The following CHN2 variants were observed in gnomAD, a reference collection of about 807,000 sequenced individuals.
CHN2 encodes chimerin 2.
In CHN2, 35 loss-of-function variants were observed where a neutral mutation model predicts 56.3. The observed-to-expected ratio is 0.62, with a 90% CI of 0.47 to 0.82. The LOEUF is 0.82. Among genes scored for constraint, CHN2 ranks in the 40% least tolerant of loss-of-function variants. CHN2 has a pLI of 0.00. For synonymous variants in CHN2, 210 were observed against 212.8 expected (o/e 0.99, Z 0.12); for missense variants, 491 against 580.5 (o/e 0.85, Z 1.58).
chr7:29,304,712 C>T (rs1406845175), intron 1 of CHN2, among the ~76,000 whole-genome samples: 1 of 152,158 alleles, frequency 6.6e-6, no homozygotes, highest in Admixed American at 6.5e-5. Flanking sequence ...AATATTGGAG[C>T]AAACTGTGTG....
chr7:29,313,167 C>G (rs2128888239), intron 1 of CHN2, among the ~76,000 whole-genome samples: 1 of 152,296 alleles, frequency 6.6e-6, no homozygotes, highest in East Asian at 1.9e-4. Flanking sequence ...CTCACTGAAC[C>G]AGCTCACAAG....
Position 29,398,408 on chromosome 7 carries a change from A to C in CHN2, c.212A>C (p.Glu71Ala), listed in dbSNP as rs1298319824. Reference sequence around the variant, plus strand: ...ATCATCTCTCGGGAGCAGGCGGATGAGCTTCTTGGAGGCGTGGAGGGTGCC... The same window carrying C: ...ATCATCTCTCGGGAGCAGGCGGATGCGCTTCTTGGAGGCGTGGAGGGTGCC... ...HGIISREQADELLGGVEGAYI... is the reference protein window; with the variant it reads ...HGIISREQADALLGGVEGAYI... The change falls in exon 5 of 13, where the codon GAG (glutamate) becomes GCG (alanine). Residue 71 changes from glutamate (E) to alanine (A), a missense_variant. Coordinates refer to ENST00000222792, the MANE Select transcript of CHN2 (RefSeq NM_004067.4). 1 of 1,613,474 alleles carries C rather than the reference A, an allele frequency of 6.2e-7. No individual in the cohort carries two copies. Among genetic ancestry groups the C allele is most frequent in the Middle Eastern group, 1.6e-4 (1 of 6,062 alleles).
At chr7:29,347,645 C>A (rs1193974841) in intron 1 of CHN2, among the ~76,000 whole-genome samples, 4 of 152,190 alleles carry the variant, frequency 2.6e-5, no homozygotes, top group African/African-American at 4.8e-5. Flanking sequence ...GTCCCTCCCT[C>A]AACACGTAAG....
chr7:29,198,134 G>A (rs1198294052), intron 1 of CHN2, among the ~76,000 whole-genome samples: 1 of 152,192 alleles, frequency 6.6e-6, no homozygotes, highest in African/African-American at 2.4e-5. Context: ...GGGTTTGATG[G>A]AACAGCTCTG....
At position 29,439,930 on chromosome 7, in the gene CHN2, G is replaced by A. The variant is rs191191087; in HGVS notation, c.576+39102G>A. Among the ~76,000 whole-genome samples, 385 of 152,304 alleles carry A rather than the reference G, an allele frequency of 2.5e-3. 1 individual carries two copies. Among genetic ancestry groups the A allele is most frequent in the Non-Finnish European group, 2.7e-3 (183 of 68,018 alleles). ...TTTACAGACAGGCAAACCGAGTCTTGTGAAGGTTAATTAACTGGTTCAAGT... is the reference window on the plus strand; with the variant it reads ...TTTACAGACAGGCAAACCGAGTCTTATGAAGGTTAATTAACTGGTTCAAGT... On this transcript the variant is annotated intron_variant, in intron 6 of 12. Coordinates refer to ENST00000222792, the MANE Select transcript of CHN2 (RefSeq NM_004067.4).
intron 6 of CHN2, among the ~76,000 whole-genome samples, chr7:29,444,871 T>C (rs2128126515): frequency 6.6e-6 from 1 of 152,276 alleles, no homozygotes. Context: ...CCTCATACAT[T>C]TTGGGGGTTG....
At position 29,491,104 on chromosome 7, in the gene CHN2, T is replaced by C. The variant is rs1242765840; in HGVS notation, c.655-4848T>C. 2.6e-5 allele frequency among the ~76,000 whole-genome samples: 4 copies of C among 152,314 alleles called. No individual in the cohort carries two copies. In the South Asian group the frequency reaches 8.3e-4, roughly 32 times the overall value. On this transcript the variant is annotated intron_variant, in intron 7 of 12. Transcript: ENST00000222792. ...TACTTCTGGTAAAAATAAATCTCTA[T>C]TATCTCTATCACTAATAATGCAAAT...
chr7:29,256,354 G>T (rs1485218994), intron 1 of CHN2, among the ~76,000 whole-genome samples: 1 of 152,214 alleles, frequency 6.6e-6, no homozygotes. Context: ...TTCTCACATA[G>T]TTTTAATGTT....
At chr7:29,237,076 G>A (rs39075) in intron 1 of CHN2, among the ~76,000 whole-genome samples, 62,725 of 152,026 alleles carry the variant, frequency 0.41, 13,075 homozygotes, top group Admixed American at 0.45. Flanking sequence ...TGACAGTACC[G>A]AAACAGCTGA....
chr7:29,483,878 C>G lies in CHN2; in HGVS notation c.654+3522C>G, dbSNP rs542197005. ...GGCCACACCATGTTCTTCCAAAGAG[C>G]TCAGCTCTCTCTGCCTCAGTTCCCT... is the stretch of plus-strand genomic sequence containing the variant. On this transcript the variant is annotated intron_variant, in intron 7 of 12. Coordinates refer to ENST00000222792, the MANE Select transcript of CHN2 (RefSeq NM_004067.4). 12 of 1,302,590 alleles carry G rather than the reference C, an allele frequency of 9.2e-6. No individual in the cohort carries two copies. In the African/African-American group the frequency reaches 1.7e-4, roughly 18 times the overall value. The allele number at this position is 1,302,590 out of a possible 1,614,324, so 80.7% of individuals were successfully genotyped here.
chr7:29,220,727 G>A (rs1785729038), intron 1 of CHN2, among the ~76,000 whole-genome samples: 1 of 152,080 alleles, frequency 6.6e-6, no homozygotes. Flanking sequence ...AATGTTTATG[G>A]AAGAAATAAT....
At chr7:29,425,816 T>C (rs192061070) in intron 6 of CHN2, among the ~76,000 whole-genome samples, 8 of 152,300 alleles carry the variant, frequency 5.3e-5, no homozygotes, top group Admixed American at 2.0e-4. Flanking sequence ...TGTACTGATA[T>C]AAAACAATTA....
chr7:29,407,343 A>T (rs1802745659), intron 6 of CHN2, among the ~76,000 whole-genome samples: 2 of 151,664 alleles, frequency 1.3e-5, no homozygotes, highest in Admixed American at 1.3e-4. Context: ...TCTTGGTCCT[A>T]GGGGGTGGAG....
intron 1 of CHN2, among the ~76,000 whole-genome samples, chr7:29,261,400 C>A (rs1370074381): frequency 6.6e-6 from 1 of 152,154 alleles, no homozygotes; most frequent in Non-Finnish European, 1.5e-5. Flanking sequence ...ATCTTCACCT[C>A]CCCTGCTAGG....
intron 9 of CHN2, among the ~76,000 whole-genome samples, chr7:29,503,768 C>T (rs1030128951): frequency 6.6e-6 from 1 of 152,186 alleles, no homozygotes; most frequent in Admixed American, 6.5e-5. Context: ...TGTGAGTTAT[C>T]AAGAGTTTGG....
chr7:29,200,593 C>G (rs902135757), intron 1 of CHN2: 1 of 151,692 alleles, frequency 6.6e-6, no homozygotes, highest in African/African-American at 2.4e-5. Flanking sequence ...TGCAAATCCT[C>G]TAGGCACCTT....
chr7:29,320,720 C>T (rs1394195020), intron 1 of CHN2, among the ~76,000 whole-genome samples: 1 of 152,054 alleles, frequency 6.6e-6, no homozygotes, highest in Admixed American at 6.6e-5. Flanking sequence ...GGGTTCTGTC[C>T]TTGCATGCTT....
At chr7:29,327,065 G>T (rs115529658) in intron 1 of CHN2, among the ~76,000 whole-genome samples, 6 of 152,308 alleles carry the variant, frequency 3.9e-5, no homozygotes, top group African/African-American at 1.2e-4. Context: ...CCTCATTTCT[G>T]CCTATAGGAC....
At chr7:29,502,181 G>A (rs1387680398) in intron 9 of CHN2, among the ~76,000 whole-genome samples, 1 of 152,162 alleles carries the variant, frequency 6.6e-6, no homozygotes, top group East Asian at 1.9e-4. Context: ...GAGACCCTGA[G>A]TAACAGTGCC....
Sources: gnomAD v4.1 joint callset for allele counts (sites outside exome capture counted in the v4.1 genomes callset) on GRCh38, gnomAD v4.1.1 for gene constraint, MANE v1.5 for transcripts, NCBI Gene and HGNC (gene_info 2026-07-23, HGNC 2026-07-21) for gene names.